Variants in BUB1 observed in about 807,000 individuals in gnomAD.
BUB1 encodes the protein BUB1 mitotic checkpoint serine/threonine kinase.
A neutral mutation model predicts 135.2 loss-of-function variants in BUB1; 84 were observed. The ratio of observed to expected loss-of-function variants is 0.62; its 90% confidence interval spans 0.52 to 0.74. BUB1 has a LOEUF of 0.74. Ranked by LOEUF, BUB1 falls within the 30% of genes least tolerant of loss-of-function variation. BUB1 has a pLI of 0.00. For synonymous variants in BUB1, 403 were observed against 434.4 expected, an observed-to-expected ratio of 0.93 and a Z score of 0.90; for missense variants, 1,162 against 1,288.3, an observed-to-expected ratio of 0.90 and a Z score of 1.50.
rs1281782612 is a variant in BUB1, at chr2:110,641,475, T to C, written c.2626-11A>G. The stretch of plus-strand genomic sequence containing the variant: ...GAGGTTAATGGCATTCTAGGAACAA[T>C]GGAAAGTGGAATCCTGAGTTAGTTG... On this transcript the variant is annotated splice_polypyrimidine_tract_variant and intron_variant, in intron 21 of 24. Coordinates refer to ENST00000302759, the MANE Select transcript of BUB1 (RefSeq NM_004336.5). 2.5e-6 allele frequency: 4 copies of C among 1,597,046 alleles called. No homozygotes were observed. The East Asian group carries it at 9.0e-5, about 36-fold the overall frequency.
intron 20 of BUB1, 136 bp from the exon 21 acceptor site, chr2:110,641,939 C>G (rs1689517257): frequency 1.7e-6 from 2 of 1,149,678 alleles, no homozygotes; most frequent in Non-Finnish European, 1.2e-6. Context: ...CAATGTGGGG[C>G]TTGCTCCAAG....
chr2:110,672,992 GT>G, intron 3 of BUB1, 135 bp from the exon 4 acceptor site: 2 of 853,212 alleles, frequency 2.3e-6, no homozygotes, highest in Non-Finnish European at 3.4e-6. Flanking sequence ...ACCAAGGCAG[GT>G]TTAGAGGGTT....
chr2:110,664,268 A>T (rs993113805), intron 9 of BUB1, among the ~76,000 whole-genome samples: 1 of 152,194 alleles, frequency 6.6e-6, no homozygotes, highest in Non-Finnish European at 1.5e-5. Flanking sequence ...ATAATGGATG[A>T]AAAGATAAAT....
chr2:110,660,407 C>T (rs1559170830), intron 10 of BUB1, among the ~76,000 whole-genome samples: 1 of 151,802 alleles, frequency 6.6e-6, no homozygotes, highest in South Asian at 2.1e-4. Flanking sequence ...CAAAAAAATG[C>T]TTGATCTATT....
rs550570127 is a variant in BUB1 at position 110,674,613 on chromosome 2, A to C, written c.27-248T>G. 5.3e-5 allele frequency among the ~76,000 whole-genome samples: 8 copies of C among 152,342 alleles called. No homozygotes were observed. The South Asian group carries it at 1.7e-3, about 32-fold the overall frequency. The stretch of plus-strand genomic sequence containing the variant: ...ACTCAGAAGCAGCCAGTGTTTTTCC[A>C]TAAGTCCCAGCTCTATCCCCAAGAG... On this transcript the variant is annotated intron_variant, in intron 1 of 24. Coordinates refer to ENST00000302759, the MANE Select transcript of BUB1 (RefSeq NM_004336.5).
chr2:110,642,132 T>G lies in BUB1; in HGVS notation c.2450A>C (p.Lys817Thr), dbSNP rs539595216. Residue 817 changes from lysine to threonine, a missense_variant, in exon 20 of 25, where the codon AAA becomes ACA. Physicochemically the swap from Lys to Thr is moderately conservative, Grantham distance 78. Transcript: ENST00000302759. ...GDLNDAKNKQ[K>T]FVLKVQKPAN... is the part of the protein sequence containing the mutation. ...CAGGTCATTTACCTTTAAAACAAAT[T>G]TCTGTTTATTTTTAGCATCATTCAG... The G allele has an allele frequency of 6.2e-7, 1 of 1,606,898 alleles. No homozygotes were observed. The highest frequency in any genetic ancestry group is 1.7e-5 in the Admixed American group (1 of 58,946).
At chr2:110,664,286 A>G (rs1690182764) in intron 9 of BUB1, among the ~76,000 whole-genome samples, 1 of 152,168 alleles carries the variant, frequency 6.6e-6, no homozygotes, top group African/African-American at 2.4e-5. Flanking sequence ...AATACCAGAT[A>G]CATCACTATG....
chr2:110,654,180 A>G (rs1689861483), intron 16 of BUB1, among the ~76,000 whole-genome samples: 1 of 152,204 alleles, frequency 6.6e-6, no homozygotes. Context: ...CCTGAAGACA[A>G]GAACATGGAG....
At chr2:110,639,444 T>A (rs1689442887) in intron 24 of BUB1, among the ~76,000 whole-genome samples, 1 of 150,752 alleles carries the variant, frequency 6.6e-6, no homozygotes, top group South Asian at 2.1e-4. Flanking sequence ...AGTGAGAACC[T>A]GAGGTCCAGT....
At position 110,667,623 on chromosome 2, in the gene BUB1, C is replaced by T. The variant is rs374128882; in HGVS notation, c.703G>A (p.Val235Ile). ...ATAAGCTTCTCCTTGCAATACATAA[C>T]AACCTGCTCAACATCAACTTTGGAT... ...LASKVDVEQVVMYCKEKLIRG... is the reference protein window; with the variant it reads ...LASKVDVEQVIMYCKEKLIRG... The change falls in exon 8 of 25, where the codon GTT (valine) becomes ATT (isoleucine). Residue 235 changes from valine to isoleucine, a missense_variant. By Grantham distance (29) the Val-to-Ile change is conservative. Coordinates refer to ENST00000302759, the MANE Select transcript of BUB1 (RefSeq NM_004336.5). 1.1e-5 allele frequency: 18 copies of T among 1,613,926 alleles called. No homozygotes were observed. Among genetic ancestry groups the T allele is most frequent in the Non-Finnish European group, 1.4e-5 (17 of 1,179,998 alleles).
At position 110,661,628 on chromosome 2, in the gene BUB1, G is replaced by C; in HGVS notation, c.1171C>G (p.Gln391Glu). ...GCAAACATGGAGTCTGTTACTGTCT[G>C]GGCTTTCAAAGGAACAGGAGGAGCA... ...SIAPPVPLKA[Q>E]TVTDSMFAVA... The change falls in exon 10 of 25, where the codon CAG (glutamine) becomes GAG (glutamate). Residue 391 changes from glutamine to glutamate, a missense_variant. Gln to Glu is a conservative substitution (Grantham distance 29). Transcript: ENST00000302759. 1 of 1,614,160 alleles carries C rather than the reference G, an allele frequency of 6.2e-7. No homozygotes were observed. Among genetic ancestry groups the C allele is most frequent in the Admixed American group, 1.7e-5 (1 of 60,028 alleles).
intron 19 of BUB1, among the ~76,000 whole-genome samples, chr2:110,644,939 AGAG>A (rs1689604914): frequency 6.6e-6 from 1 of 152,238 alleles, no homozygotes; most frequent in African/African-American, 2.4e-5. Context: ...TAATACACTG[AGAG>A]GAGACAAAAT....
chr2:110,658,033 A>G (rs1234625630), intron 13 of BUB1, among the ~76,000 whole-genome samples: 1 of 152,104 alleles, frequency 6.6e-6, no homozygotes, highest in Non-Finnish European at 1.5e-5. Context: ...TATCTTTATC[A>G]TGATCTCTGG....
At chr2:110,665,880 A>G (rs1690237236) in intron 9 of BUB1, 1 of 158,378 alleles carries the variant, frequency 6.3e-6, no homozygotes, top group Non-Finnish European at 1.4e-5. Flanking sequence ...GCTCTAACAC[A>G]CTCATCACTT....
chr2:110,637,623 T>TC lies in BUB1; in HGVS notation c.*340_*341insG. On this transcript the variant is annotated 3_prime_UTR_variant, in exon 25 of 25. Transcript: ENST00000302759. ...GTGTGTGTGTGTGTGTGTGTGTGTT[T>TC]ACACAGACACCAAACTTCAAATTTG... is the stretch of plus-strand genomic sequence containing the variant. The TC allele has an allele frequency of 6.0e-6, 1 of 167,410 alleles. No homozygotes were observed. The highest frequency in any genetic ancestry group is 1.7e-4 in the East Asian group (1 of 6,022). The allele number at this position is 167,410 out of a possible 1,614,324, so 10.4% of individuals were successfully genotyped here.
rs776719073 is a variant in BUB1 at position 110,650,567 on chromosome 2, G to A, written c.2182C>T (p.Leu728Phe). The A allele has an allele frequency of 6.4e-5, 104 of 1,613,638 alleles. No homozygotes were observed. Among genetic ancestry groups the A allele is most frequent in the Non-Finnish European group, 8.6e-5 (102 of 1,179,900 alleles). The change falls in exon 18 of 25, where the codon CTT (leucine) becomes TTT (phenylalanine). Residue 728 changes from leucine to phenylalanine, a missense_variant. Leu to Phe is a conservative substitution (Grantham distance 22). Coordinates refer to ENST00000302759, the MANE Select transcript of BUB1 (RefSeq NM_004336.5). ...LQAEWMQMSS[L>F]GTVDAPNFIV... is the part of the protein sequence containing the mutation. ...GTACTTGGAGCATCAACAGTCCCAA[G>A]TGAACTCATCTGCATCCATTCTGCT...
intron 9 of BUB1, among the ~76,000 whole-genome samples, chr2:110,665,211 A>G (rs1168479600): frequency 1.3e-5 from 2 of 152,236 alleles, no homozygotes; most frequent in Admixed American, 1.3e-4. Context: ...AGAACGTTCT[A>G]TTGTATTCAT....
intron 6 of BUB1, 116 bp downstream of exon 6, chr2:110,669,337 G>A: frequency 2.7e-6 from 2 of 736,650 alleles, no homozygotes; most frequent in East Asian, 5.2e-5. Context: ...ATGGAGCTCA[G>A]AGCCATGAAG....
intron 16 of BUB1, among the ~76,000 whole-genome samples, chr2:110,655,250 TCTGA>T (rs1339951684): frequency 6.6e-6 from 1 of 152,214 alleles, no homozygotes; most frequent in Admixed American, 6.5e-5. Flanking sequence ...AATAAGACTT[TCTGA>T]CTATCGTACT....
Sources: allele counts gnomAD v4.1 joint callset (sites outside exome capture counted in the v4.1 genomes callset), GRCh38; gene constraint gnomAD v4.1.1; transcripts MANE v1.5; gene names NCBI Gene and HGNC (gene_info 2026-07-23, HGNC 2026-07-21).